SLC4A10: variants seen among roughly 807,000 people sequenced by gnomAD.
SLC4A10 encodes sodium-driven chloride bicarbonate exchanger.
SLC4A10 carries 42 observed loss-of-function variants against 137.7 expected under a neutral mutation model. The observed-to-expected ratio is 0.30, with a 90% confidence interval of 0.24 to 0.39. The LOEUF (loss-of-function observed/expected upper bound fraction) is 0.39. Among genes scored for constraint, SLC4A10 ranks in the 10% least tolerant of loss-of-function variants. SLC4A10 has a pLI of 1.00. For synonymous variants in SLC4A10, 474 were observed against 464.1 expected (o/e 1.02, Z -0.27); for missense variants, 925 against 1,355.0 (o/e 0.68, Z 4.98).
Position 161,898,270 on chromosome 2 carries a change from A to T in SLC4A10, c.1342-2641A>T, listed in dbSNP as rs143980718. Reference sequence around the variant, plus strand: ...AGAAATGTTGCCATTGTAACTAAAGATCAGAATTTTTCATTTTAATTACCT... The same window carrying T: ...AGAAATGTTGCCATTGTAACTAAAGTTCAGAATTTTTCATTTTAATTACCT... On this transcript the variant is annotated intron_variant, in intron 11 of 26. Transcript: ENST00000446997. 4.8e-3 allele frequency among the ~76,000 whole-genome samples: 730 copies of T among 152,240 alleles called. 3 individuals carry two copies. Among genetic ancestry groups the T allele is most frequent in the Non-Finnish European group, 7.0e-3 (474 of 67,998 alleles).
At chr2:161,714,107 T>C (rs1488003728) in intron 1 of SLC4A10, among the ~76,000 whole-genome samples, 4 of 151,934 alleles carry the variant, frequency 2.6e-5, no homozygotes, top group Non-Finnish European at 4.4e-5. Context: ...TTTAGAACAA[T>C]AGGAGACTCA....
intron 6 of SLC4A10, among the ~76,000 whole-genome samples, chr2:161,868,387 G>A (rs759167272): frequency 2.2e-4 from 33 of 151,470 alleles, no homozygotes; most frequent in Non-Finnish European, 3.0e-4. Context: ...AAAATTTATG[G>A]TGTAACAAGC....
intron 4 of SLC4A10, 146 bp from the exon 5 acceptor site, chr2:161,854,824 G>A (rs2060012707): frequency 1.5e-6 from 1 of 648,570 alleles, no homozygotes; most frequent in African/African-American, 1.9e-5. Flanking sequence ...AAGCCAAATG[G>A]CTTAGACTAG....
intron 1 of SLC4A10, among the ~76,000 whole-genome samples, chr2:161,752,751 G>A (rs1002843078): frequency 2.0e-5 from 3 of 152,012 alleles, no homozygotes; most frequent in East Asian, 1.9e-4. Context: ...ACCTATATGC[G>A]GAATCTAAAA....
chr2:161,725,863 G>T (rs1473987058), intron 1 of SLC4A10, among the ~76,000 whole-genome samples: 3 of 152,128 alleles, frequency 2.0e-5, no homozygotes, highest in Non-Finnish European at 4.4e-5. Flanking sequence ...AAGTTAGTGG[G>T]ATTAGGTTCT....
chr2:161,956,731 A>G (rs924375244), intron 19 of SLC4A10, among the ~76,000 whole-genome samples: 2 of 152,228 alleles, frequency 1.3e-5, no homozygotes, highest in African/African-American at 4.8e-5. Flanking sequence ...AAATTAGAAC[A>G]AGATAGCACT....
chr2:161,737,615 C>G (rs1168578020), intron 1 of SLC4A10, among the ~76,000 whole-genome samples: 1 of 151,890 alleles, frequency 6.6e-6, no homozygotes, highest in Non-Finnish European at 1.5e-5. Context: ...ATTCAGGAGC[C>G]CTCATTTAAA....
At position 161,983,313 on chromosome 2, in the gene SLC4A10, G is replaced by C; in HGVS notation, c.*161G>C. ...TCACAATTATTAATAAAACTGCTTT[G>C]ATCATGTATTGTAAATTCTGTCCCT... On this transcript the variant is annotated 3_prime_UTR_variant, in exon 27 of 27. Coordinates refer to ENST00000446997, the MANE Select transcript of SLC4A10 (RefSeq NM_001178015.2). 4 of 1,400,158 alleles carry C rather than the reference G, an allele frequency of 2.9e-6. No homozygotes were observed. Among genetic ancestry groups the C allele is most frequent in the Non-Finnish European group, 9.7e-7 (1 of 1,028,878 alleles). The allele number at this position is 1,400,158 out of a possible 1,614,324, so 86.7% of individuals were successfully genotyped here.
chr2:161,818,802 C>T (rs1477548499), intron 3 of SLC4A10, among the ~76,000 whole-genome samples: 1 of 152,170 alleles, frequency 6.6e-6, no homozygotes, highest in Admixed American at 6.5e-5. Context: ...ATATGTTGAA[C>T]CAGCCTTGCA....
intron 26 of SLC4A10, among the ~76,000 whole-genome samples, chr2:161,979,428 A>G (rs1445488193): frequency 6.6e-6 from 1 of 152,226 alleles, no homozygotes; most frequent in Admixed American, 6.5e-5. Flanking sequence ...TATTCTTTAA[A>G]TGTACTTTCA....
intron 1 of SLC4A10, among the ~76,000 whole-genome samples, chr2:161,694,017 C>T (rs2042250115): frequency 6.6e-6 from 1 of 151,932 alleles, no homozygotes; most frequent in Non-Finnish European, 1.5e-5. Context: ...AAAAGTGTTG[C>T]CAATCATTGA....
intron 1 of SLC4A10, among the ~76,000 whole-genome samples, chr2:161,626,852 C>G (rs1417483713): frequency 2.0e-5 from 3 of 152,064 alleles, no homozygotes; most frequent in Non-Finnish European, 4.4e-5. Context: ...ATGATCAGTT[C>G]CTGGGCTGAA....
At chr2:161,673,949 C>G (rs1228576584) in intron 1 of SLC4A10, among the ~76,000 whole-genome samples, 1 of 152,130 alleles carries the variant, frequency 6.6e-6, no homozygotes, top group African/African-American at 2.4e-5. Context: ...GAGATCACGC[C>G]ACTGTCCTCC....
chr2:161,747,383 C>G (rs1013185592), intron 1 of SLC4A10, among the ~76,000 whole-genome samples: 1 of 152,170 alleles, frequency 6.6e-6, no homozygotes, highest in African/African-American at 2.4e-5. Flanking sequence ...TTTTCCTCCT[C>G]TAAGCATATA....
intron 15 of SLC4A10, among the ~76,000 whole-genome samples, chr2:161,924,701 G>T (rs912997856): frequency 6.6e-6 from 1 of 152,112 alleles, no homozygotes; most frequent in Non-Finnish European, 1.5e-5. Context: ...TTCAAAAAAT[G>T]TCTCTCCTAT....
chr2:161,741,889 T>TGTG (rs1297637754), intron 1 of SLC4A10, among the ~76,000 whole-genome samples: 15 of 152,202 alleles, frequency 9.9e-5, no homozygotes, highest in African/African-American at 3.4e-4. Context: ...GTCACCCTGT[T>TGTG]GTGTTATCAA....
rs1015982258 is a variant in SLC4A10 at position 161,983,992 on chromosome 2, T to C, written c.*840T>C. ...ACCTTTATCAGAAATATACTAAGTT[T>C]GTCTCCCACTGACAACAGATGTTTT... On this transcript the variant is annotated 3_prime_UTR_variant, in exon 27 of 27. Transcript: ENST00000446997. 1 of 152,220 alleles carries C rather than the reference T, an allele frequency of 6.6e-6. No individual in the cohort carries two copies. The highest frequency in any genetic ancestry group is 2.4e-5 in the African/African-American group (1 of 41,468). 9.4% of individuals were successfully genotyped at this position (152,220 alleles called of 1,614,324 possible).
intron 15 of SLC4A10, 69 bp from the exon 16 acceptor site, chr2:161,942,723 A>T: frequency 2.6e-6 from 3 of 1,175,478 alleles, no homozygotes; most frequent in Non-Finnish European, 2.5e-6. Flanking sequence ...TGGAGCCGTT[A>T]TACATTAGTC....
intron 4 of SLC4A10, among the ~76,000 whole-genome samples, chr2:161,853,055 C>G (rs955396626): frequency 2.6e-5 from 4 of 152,004 alleles, no homozygotes; most frequent in African/African-American, 9.7e-5. Context: ...GTGACTATGG[C>G]CTTATTCTCA....
Sources: allele counts gnomAD v4.1 joint callset (sites outside exome capture counted in the v4.1 genomes callset), GRCh38; gene constraint gnomAD v4.1.1; transcripts MANE v1.5; gene names NCBI Gene and HGNC (gene_info 2026-07-23, HGNC 2026-07-21).